Variants in FAT1 observed in about 807,000 individuals in gnomAD.
The protein encoded by FAT1 is FAT atypical cadherin 1.
In FAT1, 171 loss-of-function variants were observed where a neutral mutation model predicts 329.8. The ratio of observed to expected loss-of-function variants is 0.52; its 90% CI spans 0.46 to 0.59. The LOEUF (loss-of-function observed/expected upper bound fraction) is 0.59. Among genes scored for constraint, FAT1 ranks in the 20% least tolerant of loss-of-function variants. FAT1 has a pLI of 0.00. For synonymous variants in FAT1, 2,233 were observed against 2,228.6 expected (o/e 1.00, Z -0.06); for missense variants, 5,672 against 5,774.4 (o/e 0.98, Z 0.57).
At chr4:186,616,809 G>C (rs945414250) in intron 11 of FAT1, among the ~76,000 whole-genome samples, 196 bp downstream of exon 11, 1 of 152,138 alleles carries the variant, frequency 6.6e-6, no homozygotes, top group Non-Finnish European at 1.5e-5. Flanking sequence ...TCTAGAATGA[G>C]GCTTTTGATT....
chr4:186,626,290 T>C (rs370710626), intron 9 of FAT1, among the ~76,000 whole-genome samples: 17 of 84,278 alleles, frequency 2.0e-4, no homozygotes, highest in East Asian at 1.1e-3. Context: ...TTCATCAGCC[T>C]ACAGAATGAA....
Position 186,618,049 on chromosome 4 carries a change from T to C in FAT1, c.8537A>G (p.Tyr2846Cys), listed in dbSNP as rs775685435. ...CACACTTTGTGACTGATCCAGGCTA[T>C]ACATAACTTGGCCGTTGGTTCCTGA... Reference protein sequence around the residue: ...ADSGTNGQVMYSLDQSQSVEV... With the variant: ...ADSGTNGQVMCSLDQSQSVEV... Residue 2846 changes from tyrosine to cysteine, a missense_variant, in exon 10 of 27, where the codon TAT becomes TGT. Physicochemically the swap from Tyr to Cys is radical, Grantham distance 194. Around this residue, in one of 2 missense-constraint regions of FAT1, gnomAD observed 3,966 missense variants for 3,915.2 expected, o/e 1.01. Coordinates refer to ENST00000441802, the MANE Select transcript of FAT1 (RefSeq NM_005245.4). 3.1e-6 allele frequency: 5 copies of C among 1,613,928 alleles called. No individual in the cohort carries two copies. The highest frequency in any genetic ancestry group is 2.2e-5 in the East Asian group (1 of 44,894).
intron 3 of FAT1, among the ~76,000 whole-genome samples, chr4:186,645,987 A>ACACC: frequency 6.7e-6 from 1 of 149,326 alleles, no homozygotes; most frequent in Non-Finnish European, 1.5e-5. Flanking sequence ...ACACACACAC[A>ACACC]CACACACACA....
chr4:186,639,697 T>G (rs770619705), intron 4 of FAT1, 25 bp downstream of exon 4: 1 of 1,483,424 alleles, frequency 6.7e-7, no homozygotes, highest in East Asian at 2.3e-5. Flanking sequence ...AATCTTTAAG[T>G]ATTAAAGATA....
chr4:186,627,050 A>C (rs1001219479), intron 9 of FAT1, among the ~76,000 whole-genome samples: 1 of 112,674 alleles, frequency 8.9e-6, no homozygotes, highest in African/African-American at 4.3e-5. Context: ...CCAACATGGC[A>C]CCTGACACAT....
intron 2 of FAT1, among the ~76,000 whole-genome samples, chr4:186,693,858 A>G (rs921851510): frequency 4.6e-5 from 7 of 152,324 alleles, no homozygotes; most frequent in Middle Eastern, 3.4e-3. Flanking sequence ...TGAGTTTCTC[A>G]TGTATTTCAT....
At position 186,602,989 on chromosome 4, in the gene FAT1, C is replaced by A; in HGVS notation, c.11396G>T (p.Cys3799Phe). The change falls in exon 20 of 27, where the codon TGC (cysteine) becomes TTC (phenylalanine). Residue 3799 changes from cysteine (C) to phenylalanine (F), a missense_variant. Around this residue, in one of 2 missense-constraint regions of FAT1, gnomAD observed 1,706 missense variants for 1,859.1 expected, o/e 0.92. Transcript: ENST00000441802. ...AGACACACATTCGGATCCCTCAGGG[C>A]ACGGATCATCTTCACAGCCATGGTG... ...PVHHGCEDDP[C>F]PEGSECVSDP... 1 of 1,613,956 alleles carries A rather than the reference C, an allele frequency of 6.2e-7. No individual in the cohort carries two copies. The highest frequency in any genetic ancestry group is 8.5e-7 in the Non-Finnish European group (1 of 1,179,856).
intron 1 of FAT1, among the ~76,000 whole-genome samples, chr4:186,713,946 C>T (rs1415844315): frequency 2.0e-5 from 3 of 152,314 alleles, no homozygotes; most frequent in Admixed American, 1.3e-4. Context: ...CTCGGCCTCC[C>T]GAACTGCTAG....
At chr4:186,658,675 C>T (rs1742028593) in intron 3 of FAT1, among the ~76,000 whole-genome samples, 4 of 152,178 alleles carry the variant, frequency 2.6e-5, no homozygotes, top group Admixed American at 2.6e-4. Context: ...GTCTCCAACT[C>T]ACCATTCCTT....
chr4:186,692,404 C>T (rs1743821847), intron 2 of FAT1, among the ~76,000 whole-genome samples: 1 of 152,134 alleles, frequency 6.6e-6, no homozygotes, highest in South Asian at 2.1e-4. Context: ...GCTCCGCCTC[C>T]CGGGTTCACG....
In FAT1 at chr4:186,613,112, C is replaced by T. The variant is rs759492838; in HGVS notation, c.9460G>A (p.Ala3154Thr). 24 of 1,605,302 alleles carry T rather than the reference C, an allele frequency of 1.5e-5. No individual in the cohort carries two copies. The highest frequency in any genetic ancestry group is 1.6e-4 in the Middle Eastern group (1 of 6,070). Residue 3154 changes from alanine (A) to threonine (T), a missense_variant, in exon 13 of 27, where the codon GCA (alanine) becomes ACA (threonine). By Grantham distance (58) the Ala-to-Thr change is moderately conservative. This residue lies in a region of FAT1 where 1,706 missense variants were observed against 1,859.1 expected (regional missense o/e 0.92). Coordinates refer to ENST00000441802, the MANE Select transcript of FAT1 (RefSeq NM_005245.4). ...CAAGAGCATTCCCGGGAGATACCTG[C>T]GTCGGCATCTGTGGCCTGCACTCTT... is the stretch of plus-strand genomic sequence containing the variant. ...LTRVQATDADAGLNRKILYSL... is the reference protein window; with the variant it reads ...LTRVQATDADTGLNRKILYSL...
intron 9 of FAT1, among the ~76,000 whole-genome samples, chr4:186,627,803 T>G (rs995051703): frequency 6.6e-6 from 1 of 152,166 alleles, no homozygotes. Context: ...GGCAAGCAGC[T>G]TCCTAAGTGT....
intron 2 of FAT1, among the ~76,000 whole-genome samples, chr4:186,706,348 A>G (rs1744589648): frequency 6.6e-6 from 1 of 152,104 alleles, no homozygotes; most frequent in Non-Finnish European, 1.5e-5. Context: ...ACGCCACTTA[A>G]ATCACTCAGG....
intron 2 of FAT1, among the ~76,000 whole-genome samples, chr4:186,667,661 A>C (rs969654563): frequency 6.6e-6 from 1 of 152,206 alleles, no homozygotes; most frequent in Non-Finnish European, 1.5e-5. Context: ...CAAAATCCTC[A>C]GATCCCTCAT....
In FAT1 at chr4:186,604,640, A is replaced by G. The variant is rs959642095; in HGVS notation, c.10351-66T>C. Reference sequence around the variant, plus strand: ...ACACAGCCAAATCTATATGGGACAGACACATGAGTTTTCTATAATATAAAA... The same window carrying G: ...ACACAGCCAAATCTATATGGGACAGGCACATGAGTTTTCTATAATATAAAA... On this transcript the variant is annotated intron_variant, in intron 17 of 26. Transcript: ENST00000441802. 6.9e-6 allele frequency: 7 copies of G among 1,013,464 alleles called. No homozygotes were observed. In the African/African-American group the frequency reaches 1.1e-4, roughly 17 times the overall value. 62.8% of individuals were successfully genotyped at this position (1,013,464 alleles called of 1,614,324 possible).
chr4:186,695,601 A>G (rs1426929699), intron 2 of FAT1, among the ~76,000 whole-genome samples: 1 of 152,078 alleles, frequency 6.6e-6, no homozygotes, highest in Non-Finnish European at 1.5e-5. Context: ...TACGCATTCA[A>G]CCAGTATTGG....
chr4:186,606,310 A>T (rs546811897), intron 16 of FAT1, 97 bp from the exon 17 acceptor site: 14 of 1,361,690 alleles, frequency 1.0e-5, no homozygotes, highest in South Asian at 2.7e-5. Flanking sequence ...GGCAGGTCCC[A>T]GTGAGCTACC....
At chr4:186,617,590 TA>T in intron 10 of FAT1, 117 bp downstream of exon 10, 1 of 814,894 alleles carries the variant, frequency 1.2e-6, no homozygotes, top group Admixed American at 3.4e-5. Flanking sequence ...TTATTTTAGA[TA>T]TTTTTAACTA....
At chr4:186,725,846 A>G (rs1745701321), upstream of FAT1, among the ~76,000 whole-genome samples, 1 of 152,180 alleles carries the variant, frequency 6.6e-6, no homozygotes, top group Non-Finnish European at 1.5e-5. The surrounding 1 kb of genome is among the most constrained non-coding windows in gnomAD (Gnocchi z 5.4). Flanking sequence ...CGGCCTCTAC[A>G]TCCAGTCCAC....
Sources: gnomAD v4.1 joint callset for allele counts (sites outside exome capture counted in the v4.1 genomes callset) on GRCh38, gnomAD v4.1.1 for gene constraint, gnomAD v4.1.1 regional missense constraint, Gnocchi (gnomAD v3.1) non-coding constraint, MANE v1.5 for transcripts, NCBI Gene and HGNC (gene_info 2026-07-23, HGNC 2026-07-21) for gene names.